ANKRD17: variants seen among roughly 807,000 people sequenced by gnomAD.
ANKRD17 encodes ankyrin repeat domain-containing protein 17.
Under a neutral mutation model 229.7 loss-of-function variants are expected in ANKRD17, and 19 were observed. The ratio of observed to expected loss-of-function variants is 0.08; its 90% CI spans 0.06 to 0.12. The LOEUF is 0.12. Among genes scored for constraint, ANKRD17 ranks in the 10% least tolerant of loss-of-function variants. The probability of loss-of-function intolerance (pLI) is 1.00; values close to 1 mark genes in which losing one functional copy is unlikely to be tolerated. For synonymous variants in ANKRD17, 1,112 were observed against 1,146.1 expected, an observed-to-expected ratio of 0.97 and a Z score of 0.60; for missense variants, 2,176 against 3,176.8, an observed-to-expected ratio of 0.68 and a Z score of 7.57.
chr4:73,132,914 C>A (rs1728404088), intron 16 of ANKRD17, among the ~76,000 whole-genome samples: 1 of 152,090 alleles, frequency 6.6e-6, no homozygotes, highest in African/African-American at 2.4e-5. Context: ...TGGATCAATT[C>A]TTGGGCCCAC....
At chr4:73,199,607 T>C (rs1220628493) in intron 1 of ANKRD17, among the ~76,000 whole-genome samples, 1 of 152,166 alleles carries the variant, frequency 6.6e-6, no homozygotes, top group East Asian at 1.9e-4. Context: ...CCTAAGTCCT[T>C]ATGAATACCT....
At chr4:73,078,975 G>T in intron 30 of ANKRD17, 85 bp from the exon 31 acceptor site, 1 of 1,384,396 alleles carries the variant, frequency 7.2e-7, no homozygotes, top group Non-Finnish European at 9.7e-7. Flanking sequence ...ACCAGGAGAT[G>T]TTTTAAATAT....
chr4:73,109,871 G>A (rs548777405), intron 24 of ANKRD17, among the ~76,000 whole-genome samples: 1 of 151,950 alleles, frequency 6.6e-6, no homozygotes, highest in East Asian at 1.9e-4. Context: ...GGTGTTGGCA[G>A]GATTATTAAA....
chr4:73,248,477 C>T (rs1367195285), intron 1 of ANKRD17, among the ~76,000 whole-genome samples: 1 of 151,918 alleles, frequency 6.6e-6, no homozygotes, highest in African/African-American at 2.4e-5. Flanking sequence ...TTTTATGAAT[C>T]TAGAAATAAT....
At chr4:73,117,581 G>A (rs1726127534) in intron 22 of ANKRD17, among the ~76,000 whole-genome samples, 1 of 152,190 alleles carries the variant, frequency 6.6e-6, no homozygotes, top group Non-Finnish European at 1.5e-5. Context: ...AGAGTCACTG[G>A]TAGTCCAGAT....
intron 24 of ANKRD17, among the ~76,000 whole-genome samples, chr4:73,104,569 A>G (rs1443042363): frequency 6.6e-6 from 1 of 152,212 alleles, no homozygotes; most frequent in African/African-American, 2.4e-5. Context: ...AACAAAATCA[A>G]TATTTTATCT....
chr4:73,184,155 T>TA (rs1735949686), intron 1 of ANKRD17, among the ~76,000 whole-genome samples: 1 of 152,150 alleles, frequency 6.6e-6, no homozygotes, highest in Non-Finnish European at 1.5e-5. Flanking sequence ...CTCCTCAAGT[T>TA]AGAAATATTA....
At chr4:73,161,894 C>T (rs188992082) in intron 2 of ANKRD17, among the ~76,000 whole-genome samples, 3 of 151,834 alleles carry the variant, frequency 2.0e-5, no homozygotes, top group Admixed American at 6.6e-5. Flanking sequence ...TATTTCTTTT[C>T]GAGACAGGGT....
chr4:73,121,587 A>C (rs201957379), intron 19 of ANKRD17, 30 bp downstream of exon 19: 1 of 1,612,078 alleles, frequency 6.2e-7, no homozygotes, highest in East Asian at 2.2e-5. Flanking sequence ...TTACTAAATA[A>C]GGGGCTTACA....
At position 73,091,405 on chromosome 4, in the gene ANKRD17, A is replaced by T; in HGVS notation, c.6223T>A (p.Ser2075Thr). The T allele has an allele frequency of 1.2e-6, 2 of 1,614,094 alleles. No individual in the cohort carries two copies. Among genetic ancestry groups the T allele is most frequent in the Non-Finnish European group, 1.7e-6 (2 of 1,180,014 alleles). ...GGTGGACTACCTGCTTCCTGTTCGG[A>T]GGAAGATGCCACTTTATTTGGAGAT... ...SASPNKVASS[S>T]EQEAGSPPVV... The change falls in exon 29 of 34, where the codon TCC becomes ACC. Residue 2075 changes from serine (S) to threonine (T), a missense_variant. Coordinates refer to ENST00000358602, the MANE Select transcript of ANKRD17 (RefSeq NM_032217.5).
chr4:73,186,813 T>C (rs902903860), intron 1 of ANKRD17, among the ~76,000 whole-genome samples: 1 of 152,206 alleles, frequency 6.6e-6, no homozygotes, highest in Non-Finnish European at 1.5e-5. Context: ...GTTATATGGT[T>C]TGTCAAAAAT....
intron 7 of ANKRD17, 50 bp downstream of exon 7, chr4:73,151,380 C>G (rs1325277985): frequency 6.5e-7 from 1 of 1,550,332 alleles, no homozygotes; most frequent in Non-Finnish European, 8.9e-7. Context: ...ACTACTCTGT[C>G]TCTCCCTGGT....
At chr4:73,228,579 C>T (rs1742738686) in intron 1 of ANKRD17, among the ~76,000 whole-genome samples, 1 of 152,164 alleles carries the variant, frequency 6.6e-6, no homozygotes, top group African/African-American at 2.4e-5. Context: ...ATTTCAAGCA[C>T]ATCTTAGGGT....
At chr4:73,081,437 A>T (rs1305727905) in intron 30 of ANKRD17, among the ~76,000 whole-genome samples, 1 of 152,218 alleles carries the variant, frequency 6.6e-6, no homozygotes, top group Non-Finnish European at 1.5e-5. Context: ...TTATATAAAC[A>T]TCATTTTCCA....
chr4:73,079,148 AACCCTTG>A (rs1374208295), intron 30 of ANKRD17, among the ~76,000 whole-genome samples: 1 of 152,234 alleles, frequency 6.6e-6, no homozygotes, highest in African/African-American at 2.4e-5. Flanking sequence ...CAAATGAATT[AACCCTTG>A]ACATTAAGTA....
At chr4:73,179,393 T>A (rs866709376) in intron 1 of ANKRD17, among the ~76,000 whole-genome samples, 1 of 147,380 alleles carries the variant, frequency 6.8e-6, no homozygotes, top group South Asian at 2.1e-4. Flanking sequence ...TAAAATTATA[T>A]ATATTTTAAA....
intron 24 of ANKRD17, among the ~76,000 whole-genome samples, chr4:73,109,310 A>AC (rs1294150997): frequency 6.6e-6 from 1 of 151,948 alleles, no homozygotes; most frequent in Non-Finnish European, 1.5e-5. Flanking sequence ...AAAAAAAAAA[A>AC]AAAACTTTAT....
At chr4:73,110,991 T>C (rs1398193245) in intron 24 of ANKRD17, among the ~76,000 whole-genome samples, 1 of 152,170 alleles carries the variant, frequency 6.6e-6, no homozygotes. Context: ...CTGGCAAGAA[T>C]ACAAGGAAAT....
chr4:73,098,854 C>A lies in ANKRD17; in HGVS notation c.4574-334G>T, dbSNP rs1723607146. 6 of 1,510,136 alleles carry A rather than the reference C, an allele frequency of 4.0e-6. No homozygotes were observed. The Admixed American group carries it at 1.0e-4, about 26-fold the overall frequency. 93.5% of individuals were successfully genotyped at this position (1,510,136 alleles called of 1,614,324 possible). A position where few individuals can be genotyped will look rare whatever the true frequency, so the allele number is the denominator to read the frequency against. ...AGTCGAGCTTGAAGTCCAGCCAGCC[C>A]TTGGCCTCCAAGCAGGAAATGGACA... is the stretch of plus-strand genomic sequence containing the variant. On this transcript the variant is annotated intron_variant, in intron 25 of 33. Coordinates refer to ENST00000358602, the MANE Select transcript of ANKRD17 (RefSeq NM_032217.5).
Sources: gnomAD v4.1 joint callset for allele counts (sites outside exome capture counted in the v4.1 genomes callset) on GRCh38, gnomAD v4.1.1 for gene constraint, MANE v1.5 for transcripts, NCBI Gene and HGNC (gene_info 2026-07-23, HGNC 2026-07-21) for gene names.